The following ATP6V1F variants were observed in gnomAD, a reference collection of about 807,000 sequenced individuals.
ATP6V1F encodes the protein V-type proton ATPase subunit F.
ATP6V1F carries 4 observed loss-of-function variants against 6.6 expected under a neutral mutation model. The ratio of observed to expected loss-of-function variants is 0.60; its 90% confidence interval spans 0.30 to 1.38. ATP6V1F has a LOEUF of 1.38. Ranked by LOEUF, ATP6V1F falls within the 40% of genes most tolerant of loss-of-function variation. ATP6V1F has a pLI of 0.08. For synonymous variants in ATP6V1F, 68 were observed against 66.9 expected, an observed-to-expected ratio of 1.02 and a Z score of -0.08; for missense variants, 136 against 165.5, an observed-to-expected ratio of 0.82 and a Z score of 0.98.
intron 1 of ATP6V1F, among the ~76,000 whole-genome samples, chr7:128,864,240 A>G (rs545396020): frequency 6.6e-6 from 1 of 152,148 alleles, no homozygotes; most frequent in African/African-American, 2.4e-5. Flanking sequence ...AGAAATCAGG[A>G]GGCTGAGGAA....
At chr7:128,863,315 A>T (rs1275588912) in intron 1 of ATP6V1F, among the ~76,000 whole-genome samples, 2 of 152,148 alleles carry the variant, frequency 1.3e-5, no homozygotes, top group Admixed American at 1.3e-4. Flanking sequence ...GACAGCCTAG[A>T]CAGTGGGCTT....
intron 1 of ATP6V1F, among the ~76,000 whole-genome samples, chr7:128,864,685 C>T (rs1030233263): frequency 6.6e-6 from 1 of 151,370 alleles, no homozygotes; most frequent in African/African-American, 2.4e-5. Context: ...ACTGCGGCCT[C>T]GACTTCCCAG....
chr7:128,865,016 C>T lies in ATP6V1F; in HGVS notation c.159-361C>T, dbSNP rs1809358087. ...TCACAGCTGGCCTTCAGTATCTGCA[C>T]ATAAAAAGGGATCTGCATACATATA... On this transcript the variant is annotated intron_variant, in intron 1 of 1. Transcript: ENST00000249289. The surrounding 1 kb of genome is among the most constrained non-coding windows in gnomAD (Gnocchi z 4.4). 3 of 1,020,542 alleles carry T rather than the reference C, an allele frequency of 2.9e-6. No homozygotes were observed. The African/African-American group carries it at 4.8e-5, about 16-fold the overall frequency. The allele number at this position is 1,020,542 out of a possible 1,614,324, so 63.2% of individuals were successfully genotyped here.
rs1415041436 is a variant in ATP6V1F, at chr7:128,864,299, C to T, written c.159-1078C>T. On this transcript the variant is annotated intron_variant, in intron 1 of 1. Coordinates refer to ENST00000249289, the MANE Select transcript of ATP6V1F (RefSeq NM_004231.4). ...GTGGAGACTGCAGTGAGCCGAGATC[C>T]ACCACTGCACTCCAGCCTGGGTGAC... 2.6e-5 allele frequency among the ~76,000 whole-genome samples: 4 copies of T among 152,192 alleles called. No homozygotes were observed. The South Asian group carries it at 8.3e-4, about 32-fold the overall frequency.
intron 1 of ATP6V1F, among the ~76,000 whole-genome samples, chr7:128,863,329 CT>C (rs1204238994): frequency 1.3e-5 from 2 of 152,206 alleles, no homozygotes; most frequent in African/African-American, 2.4e-5. Flanking sequence ...TGGGCTTGGA[CT>C]TTGTTCTGCT....
Position 128,865,286 on chromosome 7 carries a change from C to T in ATP6V1F, c.159-91C>T. ...GGGTCATGCTCATTCCCCTCCACAGCCCAGCCCAACAACTCGGAGAGGGCT... is the reference window on the plus strand; with the variant it reads ...GGGTCATGCTCATTCCCCTCCACAGTCCAGCCCAACAACTCGGAGAGGGCT... On this transcript the variant is annotated intron_variant, in intron 1 of 1. Transcript: ENST00000249289. This position sits in a 1 kb window ranked among gnomAD's most constrained non-coding sequence, Gnocchi z 4.4. The T allele has an allele frequency of 6.3e-7, 1 of 1,580,706 alleles. No homozygotes were observed.
intron 1 of ATP6V1F, 123 bp downstream of exon 1, chr7:128,863,185 C>A: frequency 1.6e-6 from 2 of 1,229,428 alleles, no homozygotes; most frequent in Non-Finnish European, 2.2e-6. Flanking sequence ...CCTTCCGGAG[C>A]GGAGGCCTCC....
Position 128,862,918 on chromosome 7 carries a change from G to C in ATP6V1F, c.14G>C (p.Gly5Ala). The C allele has an allele frequency of 6.2e-7, 1 of 1,607,648 alleles. No homozygotes were observed. Among genetic ancestry groups the C allele is most frequent in the Non-Finnish European group, 8.5e-7 (1 of 1,177,116 alleles). Residue 5 changes from glycine to alanine, a missense_variant, in exon 1 of 2, where the codon GGT becomes GCT. By Grantham distance (60) the Gly-to-Ala change is moderately conservative. Coordinates refer to ENST00000249289, the MANE Select transcript of ATP6V1F (RefSeq NM_004231.4). The part of the protein sequence containing the change: MAGR[G>A]KLIAVIGDED... ...CCGGCTGCAGGGATGGCGGGGAGGG[G>C]TAAGCTCATCGCAGTGATCGGAGAC...
In ATP6V1F at chr7:128,865,588, C is replaced by T; in HGVS notation, c.*10C>T. ...CGAAGACCTGCGCTAGGGGACTCCT[C>T]ATAGCCCTCAGCCCTTCCCTCGTTT... is the stretch of plus-strand genomic sequence containing the variant. On this transcript the variant is annotated 3_prime_UTR_variant, in exon 2 of 2. Coordinates refer to ENST00000249289, the MANE Select transcript of ATP6V1F (RefSeq NM_004231.4). The surrounding 1 kb of genome is among the most constrained non-coding windows in gnomAD (Gnocchi z 4.4). 1.9e-6 allele frequency: 3 copies of T among 1,608,052 alleles called. No homozygotes were observed. Among genetic ancestry groups the T allele is most frequent in the Non-Finnish European group, 2.6e-6 (3 of 1,175,854 alleles).
Position 128,865,038 on chromosome 7 carries a change from T to C in ATP6V1F, c.159-339T>C. ...GCACATAAAAAGGGATCTGCATACATATAATCTTATCCTTCCCCTTTCTGA... is the reference window on the plus strand; with the variant it reads ...GCACATAAAAAGGGATCTGCATACACATAATCTTATCCTTCCCCTTTCTGA... On this transcript the variant is annotated intron_variant, in intron 1 of 1. Transcript: ENST00000249289. The surrounding 1 kb of genome is among the most constrained non-coding windows in gnomAD (Gnocchi z 4.4). 1 of 1,191,178 alleles carries C rather than the reference T, an allele frequency of 8.4e-7. No individual in the cohort carries two copies. The highest frequency in any genetic ancestry group is 1.2e-6 in the Non-Finnish European group (1 of 833,044). The allele number at this position is 1,191,178 out of a possible 1,614,324, so 73.8% of individuals were successfully genotyped here. A position where few individuals can be genotyped will look rare whatever the true frequency, so the allele number is the denominator to read the frequency against.
chr7:128,865,300 T>C lies in ATP6V1F; in HGVS notation c.159-77T>C. The C allele has an allele frequency of 6.3e-7, 1 of 1,594,610 alleles. No homozygotes were observed. Among genetic ancestry groups the C allele is most frequent in the South Asian group, 1.1e-5 (1 of 89,450 alleles). ...CCCCTCCACAGCCCAGCCCAACAAC[T>C]CGGAGAGGGCTGCCTGGGTAGGAGA... is the stretch of plus-strand genomic sequence containing the variant. On this transcript the variant is annotated intron_variant, in intron 1 of 1. Transcript: ENST00000249289. The surrounding 1 kb of genome is among the most constrained non-coding windows in gnomAD (Gnocchi z 4.4).
rs147407481 is a variant in ATP6V1F at position 128,864,903 on chromosome 7, A to G, written c.159-474A>G. 581 of 540,480 alleles carry G rather than the reference A, an allele frequency of 1.1e-3. 5 individuals carry two copies. The East Asian group carries it at 0.015, about 14-fold the overall frequency. 33.5% of individuals were successfully genotyped at this position (540,480 alleles called of 1,614,324 possible). ...GAGAGAGGGAGATGGGGGTCTCACT[A>G]TGTGGCCCATTCTGGTCTCAAACTC... On this transcript the variant is annotated intron_variant, in intron 1 of 1. Transcript: ENST00000249289.
In ATP6V1F at chr7:128,865,704, C is replaced by G. The variant is rs1809380008; in HGVS notation, c.*126C>G. On this transcript the variant is annotated 3_prime_UTR_variant, in exon 2 of 2. Transcript: ENST00000249289. This position sits in a 1 kb window ranked among gnomAD's most constrained non-coding sequence, Gnocchi z 4.4. ...TGCTCCTTCCCACTCCATTAAGAGG[C>G]TAGGTGAGGCGCTTCTAGGTTGCTG... 1 of 1,072,664 alleles carries G rather than the reference C, an allele frequency of 9.3e-7. No individual in the cohort carries two copies. Among genetic ancestry groups the G allele is most frequent in the African/African-American group, 1.6e-5 (1 of 62,326 alleles). The allele number at this position is 1,072,664 out of a possible 1,614,324, so 66.4% of individuals were successfully genotyped here. A position where few individuals can be genotyped will look rare whatever the true frequency, so the allele number is the denominator to read the frequency against.
At chr7:128,863,084 G>A in intron 1 of ATP6V1F, 22 bp downstream of exon 1, 1 of 1,599,322 alleles carries the variant, frequency 6.3e-7, no homozygotes, top group Non-Finnish European at 8.5e-7. Flanking sequence ...CGCGAGGCCT[G>A]AACGGGCCCT....
chr7:128,864,432 G>A (rs1345285296), intron 1 of ATP6V1F, among the ~76,000 whole-genome samples: 2 of 152,194 alleles, frequency 1.3e-5, no homozygotes, highest in African/African-American at 2.4e-5. Context: ...TGCAGAAAGT[G>A]TGATTCCTTC....
In ATP6V1F at chr7:128,865,205, TAGGGTTGACAG is replaced by T. The variant is rs778066292; in HGVS notation, c.159-163_159-153del. Reference sequence around the variant, plus strand: ...GCTTTGGGATGAAATTGATTCTAGGTAGGGTTGACAGAGGGTTGAGCGTGGCAGCCTTTCCC... The same window carrying T: ...GCTTTGGGATGAAATTGATTCTAGGTAGGGTTGAGCGTGGCAGCCTTTCCC... On this transcript the variant is annotated intron_variant, in intron 1 of 1. Coordinates refer to ENST00000249289, the MANE Select transcript of ATP6V1F (RefSeq NM_004231.4). The surrounding 1 kb of genome is among the most constrained non-coding windows in gnomAD (Gnocchi z 4.4). The T allele has an allele frequency of 2.6e-6, 4 of 1,538,948 alleles. No individual in the cohort carries two copies. The South Asian group carries it at 4.8e-5, about 18-fold the overall frequency.
intron 1 of ATP6V1F, among the ~76,000 whole-genome samples, chr7:128,864,690 TC>T (rs1283437696): frequency 1.3e-5 from 2 of 151,792 alleles, no homozygotes; most frequent in Non-Finnish European, 2.9e-5. Context: ...GGCCTCGACT[TC>T]CCAGGCTCAA....
In ATP6V1F at chr7:128,865,309, G is replaced by A; in HGVS notation, c.159-68G>A. ...AGCCCAGCCCAACAACTCGGAGAGG[G>A]CTGCCTGGGTAGGAGAGACGGCAGC... On this transcript the variant is annotated intron_variant, in intron 1 of 1. Coordinates refer to ENST00000249289, the MANE Select transcript of ATP6V1F (RefSeq NM_004231.4). The surrounding 1 kb of genome is among the most constrained non-coding windows in gnomAD (Gnocchi z 4.4). 2 of 1,599,306 alleles carry A rather than the reference G, an allele frequency of 1.3e-6. No homozygotes were observed. Among genetic ancestry groups the A allele is most frequent in the Non-Finnish European group, 1.7e-6 (2 of 1,169,346 alleles).
In ATP6V1F at chr7:128,862,930, C is replaced by G. The variant is rs761081102; in HGVS notation, c.26C>G (p.Ala9Gly). 1 of 1,611,464 alleles carries G rather than the reference C, an allele frequency of 6.2e-7. No homozygotes were observed. The highest frequency in any genetic ancestry group is 1.1e-5 in the South Asian group (1 of 90,668). MAGRGKLI[A>G]VIGDEDTVTG... ...ATGGCGGGGAGGGGTAAGCTCATCGCAGTGATCGGAGACGAGGACACGGTG... is the reference window on the plus strand; with the variant it reads ...ATGGCGGGGAGGGGTAAGCTCATCGGAGTGATCGGAGACGAGGACACGGTG... Residue 9 changes from alanine to glycine, a missense_variant, in exon 1 of 2, where the codon GCA becomes GGA. Ala to Gly is a moderately conservative substitution (Grantham distance 60). Coordinates refer to ENST00000249289, the MANE Select transcript of ATP6V1F (RefSeq NM_004231.4).
Sources: allele counts gnomAD v4.1 joint callset (sites outside exome capture counted in the v4.1 genomes callset), GRCh38; gene constraint gnomAD v4.1.1; non-coding constraint Gnocchi (gnomAD v3.1); transcripts MANE v1.5; gene names NCBI Gene and HGNC (gene_info 2026-07-23, HGNC 2026-07-21).